SLC9A4: variants seen among roughly 807,000 people sequenced by gnomAD.
SLC9A4 encodes the protein solute carrier family 9 member A4.
A neutral mutation model predicts 67.4 loss-of-function variants in SLC9A4; 63 were observed. The observed-to-expected ratio is 0.93, with a 90% CI of 0.76 to 1.15. The LOEUF is 1.15. SLC9A4 is among the 50% of genes most tolerant of loss of function. The pLI is 0.00. For synonymous variants in SLC9A4, 393 were observed against 367.2 expected (o/e 1.07, Z -0.80); for missense variants, 1,089 against 987.7 (o/e 1.10, Z -1.38).
chr2:102,510,863 C>T (rs1040237115), intron 6 of SLC9A4, among the ~76,000 whole-genome samples: 1 of 152,170 alleles, frequency 6.6e-6, no homozygotes, highest in Non-Finnish European at 1.5e-5. Context: ...TTTGTTTGTT[C>T]AAGTTCAGCA....
At chr2:102,479,832 G>GA (rs1168093846) in intron 2 of SLC9A4, among the ~76,000 whole-genome samples, 1 of 152,166 alleles carries the variant, frequency 6.6e-6, no homozygotes, top group Non-Finnish European at 1.5e-5. Flanking sequence ...GACTTGTATG[G>GA]AAAAAAGTGA....
chr2:102,494,353 A>G lies in SLC9A4; in HGVS notation c.721-9095A>G, dbSNP rs185733252. Among the ~76,000 whole-genome samples, 216 of 149,636 alleles carry G rather than the reference A, an allele frequency of 1.4e-3. 1 individual carries two copies. Among genetic ancestry groups the G allele is most frequent in the Non-Finnish European group, 1.9e-3 (130 of 67,998 alleles). On this transcript the variant is annotated intron_variant, in intron 2 of 11. Transcript: ENST00000295269. The stretch of plus-strand genomic sequence containing the variant: ...AAACATGATGCAAAAAATCTGGTCA[A>G]TAGATAAAATTAAAATAGAATTCTA...
At chr2:102,478,748 C>G (rs1684386009) in intron 1 of SLC9A4, 91 bp from the exon 2 acceptor site, 1 of 1,290,930 alleles carries the variant, frequency 7.7e-7, no homozygotes, top group Admixed American at 2.3e-5. Context: ...GTCAGCTTGT[C>G]CACGGTCCTG....
In SLC9A4 at chr2:102,523,896, T is replaced by G. The variant is rs552913980; in HGVS notation, c.1819-1128T>G. On this transcript the variant is annotated intron_variant, in intron 9 of 11. Transcript: ENST00000295269. ...AATTTATTCCCAGGATAACACTCACTCATCTTTCAAGACTCATCTCAGTAC... is the reference window on the plus strand; with the variant it reads ...AATTTATTCCCAGGATAACACTCACGCATCTTTCAAGACTCATCTCAGTAC... 2.0e-5 allele frequency among the ~76,000 whole-genome samples: 3 copies of G among 152,352 alleles called. No homozygotes were observed. The South Asian group carries it at 6.2e-4, about 32-fold the overall frequency.
intron 9 of SLC9A4, among the ~76,000 whole-genome samples, chr2:102,522,829 A>G (rs886180974): frequency 2.0e-5 from 3 of 152,216 alleles, no homozygotes; most frequent in Admixed American, 6.5e-5. Context: ...ATGTCTTCAA[A>G]ATTCAACTTC....
chr2:102,509,328 C>T (rs1685112669), intron 6 of SLC9A4, among the ~76,000 whole-genome samples: 1 of 152,234 alleles, frequency 6.6e-6, no homozygotes, highest in African/African-American at 2.4e-5. Flanking sequence ...CTCTTCCACA[C>T]TGAAGGAGCT....
In SLC9A4 at chr2:102,525,136, G is replaced by A. The variant is rs1674634720; in HGVS notation, c.1931G>A (p.Ser644Asn). The A allele has an allele frequency of 1.2e-6, 2 of 1,614,000 alleles. No individual in the cohort carries two copies. The highest frequency in any genetic ancestry group is 1.7e-4 in the Middle Eastern group (1 of 6,058). ...TLRESMRKGH[S>N]LPWGKPAGTK... ...AGGGAGAGCATGAGGAAAGGTCACA[G>A]CCTGCCCTGGGGAAAGCCGGTACAT... The change falls in exon 10 of 12, where the codon AGC (serine) becomes AAC (asparagine). Residue 644 changes from serine to asparagine, a missense_variant. By Grantham distance (46) the Ser-to-Asn change is conservative. Transcript: ENST00000295269.
chr2:102,526,499 C>T (rs914130338), intron 11 of SLC9A4, among the ~76,000 whole-genome samples, 153 bp downstream of exon 11: 7 of 152,144 alleles, frequency 4.6e-5, no homozygotes, highest in Non-Finnish European at 8.8e-5. Flanking sequence ...AGTTGAAACT[C>T]GGAACTTTGT....
Position 102,479,074 on chromosome 2 carries a change from G to A in SLC9A4, c.492G>A (p.Leu164=), listed in dbSNP as rs780253838. 4 of 1,614,126 alleles carry A rather than the reference G, an allele frequency of 2.5e-6. No individual in the cohort carries two copies. The highest frequency in any genetic ancestry group is 3.4e-6 in the Non-Finnish European group (4 of 1,180,012). Residue 164 remains leucine (L), a synonymous_variant, in exon 2 of 12, where the codon TTG becomes TTA. Transcript: ENST00000295269. ...GCTCCATCCTGTGGTGGGCAGTATTGGGGGCCCTGATCAACGCCTTGGGCA... is the reference window on the plus strand; with the variant it reads ...GCTCCATCCTGTGGTGGGCAGTATTAGGGGCCCTGATCAACGCCTTGGGCA... ...NIGSILWWAV[L]GALINALGIG...
In SLC9A4 at chr2:102,473,985, T is replaced by C; in HGVS notation, c.226T>C (p.Trp76Arg). Reference sequence around the variant, plus strand: ...GCAAATTCCTTATGAGGTCACTCTCTGGATACTTCTAGCATCCCTTGCAAA... The same window carrying C: ...GCAAATTCCTTATGAGGTCACTCTCCGGATACTTCTAGCATCCCTTGCAAA... The part of the protein sequence containing the change: ...YVQIPYEVTL[W>R]ILLASLAKIG... The change falls in exon 1 of 12, where the codon TGG becomes CGG. Residue 76 changes from tryptophan (W) to arginine (R), a missense_variant. Physicochemically the swap from Trp to Arg is moderately radical, Grantham distance 101. Coordinates refer to ENST00000295269, the MANE Select transcript of SLC9A4 (RefSeq NM_001011552.4). 5 of 1,614,032 alleles carry C rather than the reference T, an allele frequency of 3.1e-6. No homozygotes were observed. Among genetic ancestry groups the C allele is most frequent in the Non-Finnish European group, 2.5e-6 (3 of 1,179,886 alleles).
At chr2:102,499,264 A>G (rs960204615) in intron 2 of SLC9A4, among the ~76,000 whole-genome samples, 1 of 150,980 alleles carries the variant, frequency 6.6e-6, no homozygotes, top group African/African-American at 2.4e-5. Flanking sequence ...TGGATGATAG[A>G]CAGCAGATGG....
rs77330797 is a variant in SLC9A4, at chr2:102,478,780, T to C, written c.257-59T>C. ...CCTGTCTGCTTGACTTTAAAAGACC[T>C]CAGGTACACCCAGACCGTTTCGTTT... On this transcript the variant is annotated intron_variant, in intron 1 of 11. Transcript: ENST00000295269. 12,495 of 1,532,708 alleles carry C rather than the reference T, an allele frequency of 8.2e-3. 594 individuals carry two copies. In the East Asian group the frequency reaches 0.11, roughly 13 times the overall value. The allele number at this position is 1,532,708 out of a possible 1,614,324, so 94.9% of individuals were successfully genotyped here.
chr2:102,509,033 C>T, intron 6 of SLC9A4, 100 bp downstream of exon 6: 1 of 1,020,048 alleles, frequency 9.8e-7, no homozygotes, highest in Admixed American at 2.3e-5. Context: ...CTTTCCTTCC[C>T]CACTCTGCCA....
chr2:102,526,790 G>T lies in SLC9A4; in HGVS notation c.2038+444G>T, dbSNP rs58065964. Among the ~76,000 whole-genome samples, 726 of 152,170 alleles carry T rather than the reference G, an allele frequency of 4.8e-3. 11 individuals are homozygous for T. Among genetic ancestry groups the T allele is most frequent in the African/African-American group, 0.017 (691 of 41,500 alleles). ...TAATTTCACTAAAATGATTTCACCA[G>T]ATTTACTGATTAAATGTTTTCCATT... is the stretch of plus-strand genomic sequence containing the variant. On this transcript the variant is annotated intron_variant, in intron 11 of 11. Transcript: ENST00000295269.
chr2:102,530,656 G>A (rs1674757452), intron 11 of SLC9A4, among the ~76,000 whole-genome samples: 1 of 152,176 alleles, frequency 6.6e-6, no homozygotes, highest in Non-Finnish European at 1.5e-5. Context: ...GGGTTTGGGG[G>A]CAGAAGCCTC....
In SLC9A4 at chr2:102,514,197, T is replaced by C; in HGVS notation, c.1667T>C (p.Ile556Thr). The C allele has an allele frequency of 6.2e-7, 1 of 1,614,134 alleles. No individual in the cohort carries two copies. The highest frequency in any genetic ancestry group is 2.2e-5 in the East Asian group (1 of 44,862). ...AAGAAGCTGGAAATGAAGCAAGCCA[T>C]CGAGATGGTGGAGACTGGGATACTG... The part of the protein sequence containing the change: ...LYKKLEMKQA[I>T]EMVETGILSS... Residue 556 changes from isoleucine to threonine, a missense_variant, in exon 8 of 12, where the codon ATC becomes ACC. Ile to Thr is a moderately conservative substitution (Grantham distance 89). Coordinates refer to ENST00000295269, the MANE Select transcript of SLC9A4 (RefSeq NM_001011552.4).
chr2:102,522,302 A>G (rs6750851), intron 9 of SLC9A4, among the ~76,000 whole-genome samples: 115,088 of 151,952 alleles, frequency 0.76, 43,853 homozygotes, highest in Middle Eastern at 0.81. Context: ...TCTAGAATGC[A>G]CCGGGCATCA....
intron 9 of SLC9A4, among the ~76,000 whole-genome samples, chr2:102,522,603 A>G (rs1685451687): frequency 6.6e-6 from 1 of 152,114 alleles, no homozygotes; most frequent in East Asian, 1.9e-4. Context: ...AATACATTGT[A>G]TGTATACAAA....
intron 1 of SLC9A4, among the ~76,000 whole-genome samples, chr2:102,477,459 G>A (rs915602713): frequency 1.3e-5 from 2 of 152,164 alleles, no homozygotes; most frequent in African/African-American, 4.8e-5. Flanking sequence ...CAGCTGTTGT[G>A]GACAAGATAC....
Sources: allele counts gnomAD v4.1 joint callset (sites outside exome capture counted in the v4.1 genomes callset), GRCh38; gene constraint gnomAD v4.1.1; transcripts MANE v1.5; gene names NCBI Gene and HGNC (gene_info 2026-07-23, HGNC 2026-07-21).